Variants in LSAMP observed in about 807,000 individuals in gnomAD.
The protein encoded by LSAMP is limbic system-associated membrane protein.
Under a neutral mutation model 38.6 loss-of-function variants are expected in LSAMP, and 7 were observed. That is an observed-to-expected ratio of 0.18 (90% CI 0.10 to 0.34). LSAMP has a LOEUF of 0.34. Among genes scored for constraint, LSAMP ranks in the 10% least tolerant of loss-of-function variants. The pLI is 1.00. For synonymous variants in LSAMP, 154 were observed against 166.8 expected (o/e 0.92, Z 0.59); for missense variants, 313 against 420.0 (o/e 0.75, Z 2.23).
chr3:116,008,316 C>A (rs955935578), intron 3 of LSAMP, among the ~76,000 whole-genome samples: 2 of 152,146 alleles, frequency 1.3e-5, no homozygotes, highest in Non-Finnish European at 2.9e-5. Context: ...GACAGCAGGG[C>A]TTTCTGACTC....
At chr3:115,987,716 C>T (rs4240164) in intron 3 of LSAMP, among the ~76,000 whole-genome samples, 67,851 of 151,978 alleles carry the variant, frequency 0.45, 16,745 homozygotes, top group African/African-American at 0.67. Context: ...CAGATGATTA[C>T]GAATTAGGAC....
chr3:116,099,978 A>G (rs1708306790), intron 1 of LSAMP, among the ~76,000 whole-genome samples: 1 of 151,480 alleles, frequency 6.6e-6, no homozygotes, highest in African/African-American at 2.4e-5. Context: ...GAAACTCATC[A>G]TCTTCCACTT....
intron 2 of LSAMP, among the ~76,000 whole-genome samples, chr3:116,031,583 T>G (rs1940926450): frequency 8.8e-6 from 1 of 113,360 alleles, no homozygotes; most frequent in African/African-American, 3.2e-5. Flanking sequence ...TTTTTTTTTT[T>G]TTTTTTAGTT....
intron 3 of LSAMP, among the ~76,000 whole-genome samples, chr3:115,917,062 T>C (rs2107515874): frequency 6.6e-6 from 1 of 152,292 alleles, no homozygotes; most frequent in African/African-American, 2.4e-5. Flanking sequence ...TGCTAATCAG[T>C]TCCTGAAACT....
At chr3:115,989,534 A>G (rs1459173381) in intron 3 of LSAMP, among the ~76,000 whole-genome samples, 1 of 152,024 alleles carries the variant, frequency 6.6e-6, no homozygotes, top group Non-Finnish European at 1.5e-5. Flanking sequence ...ATAATTGAAA[A>G]GCACTCTATC....
At position 115,842,112 on chromosome 3, in the gene LSAMP, G is replaced by C. The variant is rs573625385; in HGVS notation, c.771-119C>G. On this transcript the variant is annotated intron_variant, in intron 5 of 6. Coordinates refer to ENST00000490035, the MANE Select transcript of LSAMP (RefSeq NM_002338.5). Reference sequence around the variant, plus strand: ...AGAAAGGAAGTAGCTAGAGTTTGTTGTTCCATGCCCAATTCCTATTTTAAC... The same window carrying C: ...AGAAAGGAAGTAGCTAGAGTTTGTTCTTCCATGCCCAATTCCTATTTTAAC... The C allele has an allele frequency of 6.9e-6, 7 of 1,017,838 alleles. No individual in the cohort carries two copies. In the South Asian group the frequency reaches 9.7e-5, roughly 14 times the overall value. The allele number at this position is 1,017,838 out of a possible 1,614,324, so 63.1% of individuals were successfully genotyped here.
intron 3 of LSAMP, among the ~76,000 whole-genome samples, chr3:115,899,286 C>T (rs1338423270): frequency 6.6e-6 from 1 of 151,878 alleles, no homozygotes; most frequent in Non-Finnish European, 1.5e-5. Flanking sequence ...AGCAGGAGTC[C>T]TTATTTGCAT....
At chr3:116,229,259 A>G (rs561438845) in intron 1 of LSAMP, among the ~76,000 whole-genome samples, 2 of 152,274 alleles carry the variant, frequency 1.3e-5, no homozygotes, top group East Asian at 3.9e-4. Flanking sequence ...TATTTACTTA[A>G]GAAAAAAGAG....
intron 6 of LSAMP, among the ~76,000 whole-genome samples, chr3:115,820,931 C>A (rs1049726967): frequency 2.0e-5 from 3 of 152,126 alleles, no homozygotes; most frequent in Non-Finnish European, 4.4e-5. Flanking sequence ...GCCTTATTTC[C>A]CAAATCCTGG....
At chr3:115,958,882 A>G (rs1026013228) in intron 3 of LSAMP, among the ~76,000 whole-genome samples, 4 of 152,306 alleles carry the variant, frequency 2.6e-5, no homozygotes, top group Non-Finnish European at 5.9e-5. Context: ...TGGGCATTCA[A>G]TGTCAGGAGA....
At chr3:115,914,469 CACTG>C (rs1298234736) in intron 3 of LSAMP, among the ~76,000 whole-genome samples, 1 of 152,204 alleles carries the variant, frequency 6.6e-6, no homozygotes, top group Non-Finnish European at 1.5e-5. Flanking sequence ...ATTTTCCATA[CACTG>C]ACTGTGCTTT....
rs1170325465 is a variant in LSAMP, at chr3:115,930,002, G to GTTTTTTTTTTTTTTT, written c.515-77400_515-77386dup. On this transcript the variant is annotated intron_variant, in intron 3 of 6. Coordinates refer to ENST00000490035, the MANE Select transcript of LSAMP (RefSeq NM_002338.5). ...ATCCAGATCTATAAATTTAGCAGAA[G>GTTTTTTTTTTTTTTT]TTTTTTTTTTTTTTTTTTTTTTTTG... 3.7e-5 allele frequency among the ~76,000 whole-genome samples: 3 copies of GTTTTTTTTTTTTTTT among 80,294 alleles called. 1 individual carries two copies. Among genetic ancestry groups the GTTTTTTTTTTTTTTT allele is most frequent in the South Asian group, 1.1e-3 (2 of 1,802 alleles). 52.7% of individuals were successfully genotyped at this position (80,294 alleles called of 152,430 possible).
intron 1 of LSAMP, among the ~76,000 whole-genome samples, chr3:116,320,267 G>A (rs1457579797): frequency 1.3e-5 from 2 of 152,020 alleles, no homozygotes; most frequent in African/African-American, 4.8e-5. Flanking sequence ...ACAAAAATTA[G>A]CCAAGCATGG....
At chr3:116,242,727 C>A (rs2046553664) in intron 1 of LSAMP, among the ~76,000 whole-genome samples, 2 of 151,298 alleles carry the variant, frequency 1.3e-5, no homozygotes, top group Non-Finnish European at 2.9e-5. Context: ...CTTTGCAGCC[C>A]AAACGTGTTC....
intron 1 of LSAMP, among the ~76,000 whole-genome samples, chr3:116,316,357 A>G (rs989612031): frequency 2.0e-5 from 3 of 152,196 alleles, no homozygotes; most frequent in Non-Finnish European, 4.4e-5. Context: ...ATCATTCATC[A>G]AAGTACCCTC....
chr3:115,816,977 A>G (rs1428696819), intron 6 of LSAMP, among the ~76,000 whole-genome samples: 1 of 152,244 alleles, frequency 6.6e-6, no homozygotes, highest in Non-Finnish European at 1.5e-5. Context: ...GTGGAATAAT[A>G]GAATGTGTCC....
At chr3:116,409,799 G>A (rs369948711) in intron 1 of LSAMP, among the ~76,000 whole-genome samples, 49 of 152,156 alleles carry the variant, frequency 3.2e-4, no homozygotes, top group African/African-American at 1.1e-3. Flanking sequence ...GCAGACATAC[G>A]TCTAATTAAG....
intron 6 of LSAMP, among the ~76,000 whole-genome samples, chr3:115,817,560 C>T (rs1273177751): frequency 6.6e-6 from 1 of 152,128 alleles, no homozygotes; most frequent in East Asian, 1.9e-4. Flanking sequence ...GCTCTTAGGT[C>T]TTTAGAAGCA....
At chr3:116,373,532 C>G (rs1411295628) in intron 1 of LSAMP, among the ~76,000 whole-genome samples, 1 of 151,706 alleles carries the variant, frequency 6.6e-6, no homozygotes, top group Non-Finnish European at 1.5e-5. Flanking sequence ...TATAAATGCA[C>G]TAAATGCCAG....
Sources: gnomAD v4.1 joint callset for allele counts (sites outside exome capture counted in the v4.1 genomes callset) on GRCh38, gnomAD v4.1.1 for gene constraint, MANE v1.5 for transcripts, NCBI Gene and HGNC (gene_info 2026-07-23, HGNC 2026-07-21) for gene names.